The following KCNAB1 variants were observed in gnomAD, a reference collection of about 807,000 sequenced individuals.
KCNAB1 encodes the protein voltage-gated potassium channel subunit beta-1.
A neutral mutation model predicts 64.6 loss-of-function variants in KCNAB1; 35 were observed. The observed-to-expected ratio is 0.54, with a 90% confidence interval of 0.41 to 0.72. KCNAB1 has a LOEUF of 0.72. KCNAB1 is among the 30% of genes least tolerant of loss of function. The probability of loss-of-function intolerance (pLI) is 0.00; values close to 1 mark genes in which losing one functional copy is unlikely to be tolerated. For synonymous variants in KCNAB1, 177 were observed against 183.8 expected, an observed-to-expected ratio of 0.96 and a Z score of 0.30; for missense variants, 401 against 512.9, an observed-to-expected ratio of 0.78 and a Z score of 2.11.
chr3:156,232,360 A>T (rs983346840), intron 1 of KCNAB1, among the ~76,000 whole-genome samples: 3 of 152,254 alleles, frequency 2.0e-5, no homozygotes, highest in Admixed American at 6.5e-5. Flanking sequence ...ACAAAGAAAT[A>T]CCAGATACTT....
chr3:156,239,864 C>T (rs1299011074), intron 1 of KCNAB1, among the ~76,000 whole-genome samples: 2 of 152,110 alleles, frequency 1.3e-5, no homozygotes, highest in African/African-American at 4.8e-5. Flanking sequence ...GTCTCTTCCC[C>T]TCACGGAGAG....
At chr3:156,204,517 C>G (rs1714534919) in intron 1 of KCNAB1, among the ~76,000 whole-genome samples, 1 of 152,164 alleles carries the variant, frequency 6.6e-6, no homozygotes, top group South Asian at 2.1e-4. Flanking sequence ...TTCTCTATCT[C>G]TATCCATTTG....
intron 1 of KCNAB1, among the ~76,000 whole-genome samples, chr3:156,354,648 A>G (rs1725108207): frequency 6.6e-6 from 1 of 151,594 alleles, no homozygotes; most frequent in Admixed American, 6.6e-5. Context: ...GCTAAAAGGT[A>G]CACTCAGATG....
At chr3:156,373,320 T>C (rs1184024167) in intron 1 of KCNAB1, among the ~76,000 whole-genome samples, 1 of 152,176 alleles carries the variant, frequency 6.6e-6, no homozygotes, top group East Asian at 1.9e-4. Context: ...GAGACCAGGG[T>C]ATATGAAATC....
At chr3:156,528,614 T>G (rs1718486897) in intron 12 of KCNAB1, among the ~76,000 whole-genome samples, 1 of 152,080 alleles carries the variant, frequency 6.6e-6, no homozygotes, top group Admixed American at 6.5e-5. Context: ...GAATCTCAAA[T>G]GACAGGCAAA....
chr3:156,127,815 GT>G (rs1713743890), intron 1 of KCNAB1, among the ~76,000 whole-genome samples: 1 of 151,960 alleles, frequency 6.6e-6, no homozygotes, highest in Admixed American at 6.6e-5. Flanking sequence ...CTGCACCCCT[GT>G]GACTGCTTTT....
chr3:156,459,791 A>G (rs1273747827), intron 4 of KCNAB1, 36 bp from the exon 5 acceptor site: 4 of 1,523,984 alleles, frequency 2.6e-6, no homozygotes, highest in Non-Finnish European at 3.6e-6. Context: ...TTTCCAGGAC[A>G]CTGCATTCTA....
At chr3:156,426,612 A>C (rs563044509) in intron 2 of KCNAB1, among the ~76,000 whole-genome samples, 3 of 152,284 alleles carry the variant, frequency 2.0e-5, no homozygotes, top group Admixed American at 2.0e-4. Context: ...GCTCTAAAAA[A>C]TCCTCTGTCT....
At chr3:156,295,192 T>C (rs1413237017) in intron 1 of KCNAB1, among the ~76,000 whole-genome samples, 1 of 152,196 alleles carries the variant, frequency 6.6e-6, no homozygotes, top group Non-Finnish European at 1.5e-5. Context: ...ATTTTGAAGT[T>C]ACCAACTCTG....
intron 1 of KCNAB1, among the ~76,000 whole-genome samples, chr3:156,284,431 T>C (rs1366035019): frequency 1.2e-4 from 19 of 152,342 alleles, no homozygotes; most frequent in Non-Finnish European, 2.1e-4. Flanking sequence ...TTTGTCTGTG[T>C]CCTGCCCCCA....
chr3:156,343,575 G>C (rs1724281444), intron 1 of KCNAB1, among the ~76,000 whole-genome samples: 2 of 152,100 alleles, frequency 1.3e-5, no homozygotes, highest in African/African-American at 4.8e-5. Flanking sequence ...GAGGGTATGG[G>C]GCTTATTGGA....
chr3:156,342,442 A>G (rs906173411), intron 1 of KCNAB1, among the ~76,000 whole-genome samples: 11 of 152,164 alleles, frequency 7.2e-5, no homozygotes, highest in Non-Finnish European at 1.3e-4. Flanking sequence ...ATAGTTCCCA[A>G]TACAAAGTTA....
chr3:156,519,023 T>G (rs1371438639), intron 11 of KCNAB1, among the ~76,000 whole-genome samples: 1 of 152,254 alleles, frequency 6.6e-6, no homozygotes, highest in East Asian at 1.9e-4. Flanking sequence ...CCTTCCTTAT[T>G]CCTGTTCAAC....
rs149223617 is a variant in KCNAB1, at chr3:156,528,824, G to A, written c.1082-2585G>A. On this transcript the variant is annotated intron_variant, in intron 12 of 13. Coordinates refer to ENST00000490337, the MANE Select transcript of KCNAB1 (RefSeq NM_172160.3). ...GGGAGCCATGAAGCTGCAGAGGTAG[G>A]CTAGAAAATAAGGTTTGCCAAGGTA... 2.5e-3 allele frequency among the ~76,000 whole-genome samples: 377 copies of A among 152,268 alleles called. 1 individual carries two copies. The highest frequency in any genetic ancestry group is 8.6e-3 in the African/African-American group (358 of 41,548).
intron 8 of KCNAB1, among the ~76,000 whole-genome samples, chr3:156,485,234 T>C (rs1715112965): frequency 1.3e-5 from 2 of 152,102 alleles, no homozygotes; most frequent in African/African-American, 4.8e-5. Context: ...CAAGAGCTTG[T>C]TCCATAGCTC....
At chr3:156,372,599 A>G (rs1316173891) in intron 1 of KCNAB1, among the ~76,000 whole-genome samples, 2 of 152,204 alleles carry the variant, frequency 1.3e-5, no homozygotes, top group East Asian at 3.8e-4. Context: ...ACAAGTGTGG[A>G]GTCTGAACAA....
intron 3 of KCNAB1, among the ~76,000 whole-genome samples, chr3:156,453,973 G>A (rs1458987936): frequency 6.6e-6 from 1 of 152,218 alleles, no homozygotes; most frequent in Non-Finnish European, 1.5e-5. Flanking sequence ...TACAAAGGTA[G>A]TTCTTACTAT....
intron 1 of KCNAB1, among the ~76,000 whole-genome samples, chr3:156,132,191 G>A (rs1268446837): frequency 1.3e-5 from 2 of 152,174 alleles, no homozygotes; most frequent in East Asian, 3.9e-4. Flanking sequence ...TACTTTCAAT[G>A]TTATTCCCCT....
At chr3:156,208,605 T>C (rs538188779) in intron 1 of KCNAB1, among the ~76,000 whole-genome samples, 1 of 152,252 alleles carries the variant, frequency 6.6e-6, no homozygotes, top group East Asian at 1.9e-4. Context: ...GAGTGTGTTA[T>C]GAGGGTTTAT....
Sources: gnomAD v4.1 joint callset for allele counts (sites outside exome capture counted in the v4.1 genomes callset) on GRCh38, gnomAD v4.1.1 for gene constraint, MANE v1.5 for transcripts, NCBI Gene and HGNC (gene_info 2026-07-23, HGNC 2026-07-21) for gene names.